The following CARS1 variants were observed in gnomAD, a reference collection of about 807,000 sequenced individuals.
CARS1 encodes cysteine--tRNA ligase, cytoplasmic.
CARS1 carries 48 observed loss-of-function variants against 106.2 expected under a neutral mutation model. The ratio of observed to expected loss-of-function variants is 0.45; its 90% CI spans 0.36 to 0.57. CARS1 has a LOEUF of 0.57. Ranked by LOEUF, CARS1 falls within the 20% of genes least tolerant of loss-of-function variation. The pLI, the probability that CARS1 is intolerant of heterozygous loss-of-function variation, is 0.00. For missense variants in CARS1, 968 were observed against 1,057.2 expected (o/e 0.92, Z 1.17); for synonymous variants, 409 against 403.4 (o/e 1.01, Z -0.17).
intron 1 of CARS1, among the ~76,000 whole-genome samples, chr11:3,055,314 G>A (rs921499588): frequency 2.1e-4 from 32 of 152,178 alleles, no homozygotes; most frequent in Admixed American, 1.7e-3. Flanking sequence ...ACCGCGCCCG[G>A]CTAATTTTTT....
In CARS1 at chr11:3,028,944, C is replaced by G. The variant is rs1590417322; in HGVS notation, c.1031+52G>C. On this transcript the variant is annotated intron_variant, in intron 9 of 22. Transcript: ENST00000380525. The surrounding 1 kb of genome is among the most constrained non-coding windows in gnomAD (Gnocchi z 4.4). Reference sequence around the variant, plus strand: ...AGGCTCAGAGCTGGGGAGCTCCTCCCTGTGCGATGTTCTGCAGCCCTTCCC... The same window carrying G: ...AGGCTCAGAGCTGGGGAGCTCCTCCGTGTGCGATGTTCTGCAGCCCTTCCC... The G allele has an allele frequency of 7.9e-7, 1 of 1,260,618 alleles. No homozygotes were observed. Among genetic ancestry groups the G allele is most frequent in the African/African-American group, 1.5e-5 (1 of 68,190 alleles). The allele number at this position is 1,260,618 out of a possible 1,614,324, so 78.1% of individuals were successfully genotyped here. A position where few individuals can be genotyped will look rare whatever the true frequency, so the allele number is the denominator to read the frequency against.
rs537606887 is a variant in CARS1, at chr11:3,046,166, T to C, written c.274+1587A>G. Among the ~76,000 whole-genome samples, 18 of 152,286 alleles carry C rather than the reference T, an allele frequency of 1.2e-4. No individual in the cohort carries two copies. Among genetic ancestry groups the C allele is most frequent in the African/African-American group, 4.3e-4 (18 of 41,570 alleles). On this transcript the variant is annotated intron_variant, in intron 2 of 22. Transcript: ENST00000380525. This position sits in a 1 kb window ranked among gnomAD's most constrained non-coding sequence, Gnocchi z 5.8. Reference sequence around the variant, plus strand: ...CACAGCAACGTGGCTCTGCTTCCTCTCTGTAGGTTAAAAAGTGTTTGCAAG... The same window carrying C: ...CACAGCAACGTGGCTCTGCTTCCTCCCTGTAGGTTAAAAAGTGTTTGCAAG...
In CARS1 at chr11:3,050,396, C is replaced by T. The variant is rs746207606; in HGVS notation, c.26-2395G>A. On this transcript the variant is annotated intron_variant, in intron 1 of 22. Transcript: ENST00000380525. The surrounding 1 kb of genome is among the most constrained non-coding windows in gnomAD (Gnocchi z 6.3). ...CTCCCTAGCCAAAACTGGAATCACA[C>T]CCCTTTACAAGTTATCCTTAGGAGC... Among the ~76,000 whole-genome samples, 2 of 152,178 alleles carry T rather than the reference C, an allele frequency of 1.3e-5. No individual in the cohort carries two copies. Among genetic ancestry groups the T allele is most frequent in the Non-Finnish European group, 2.9e-5 (2 of 68,036 alleles).
Position 3,033,009 on chromosome 11 carries a change from C to G in CARS1, c.802-3566G>C, listed in dbSNP as rs568889872. ...GAGGTGGGTAGGGGATATATATAGCCTCTCAATTCTGATGTGAACCAGAAT... is the reference window on the plus strand; with the variant it reads ...GAGGTGGGTAGGGGATATATATAGCGTCTCAATTCTGATGTGAACCAGAAT... On this transcript the variant is annotated intron_variant, in intron 7 of 22. Transcript: ENST00000380525. Among the ~76,000 whole-genome samples, 116 of 151,398 alleles carry G rather than the reference C, an allele frequency of 7.7e-4. 1 individual carries two copies. Among genetic ancestry groups the G allele is most frequent in the Admixed American group, 2.5e-3 (37 of 15,084 alleles).
intron 21 of CARS1, 138 bp downstream of exon 21, chr11:3,002,403 A>G: frequency 6.8e-7 from 1 of 1,477,548 alleles, no homozygotes; most frequent in Admixed American, 2.2e-5. Flanking sequence ...TGGGTGGTGG[A>G]GGCAGAAAGC....
At position 3,029,485 on chromosome 11, in the gene CARS1, T is replaced by C; in HGVS notation, c.802-42A>G. ...AAAAATCCAGCAGCGGGCCACACAC[T>C]TCACATGAGAACATCTCGTGCAGCT... On this transcript the variant is annotated intron_variant, in intron 7 of 22. Transcript: ENST00000380525. The surrounding 1 kb of genome is among the most constrained non-coding windows in gnomAD (Gnocchi z 5.9). The C allele has an allele frequency of 1.2e-6, 2 of 1,604,896 alleles. No individual in the cohort carries two copies. The highest frequency in any genetic ancestry group is 1.7e-6 in the Non-Finnish European group (2 of 1,176,574).
intron 18 of CARS1, among the ~76,000 whole-genome samples, chr11:3,011,683 C>G (rs1301498766): frequency 1.3e-5 from 2 of 152,084 alleles, no homozygotes; most frequent in South Asian, 4.1e-4. Flanking sequence ...TGTGTGAACC[C>G]CAAGTTCAAG....
In CARS1 at chr11:3,017,336, AAC is replaced by A; in HGVS notation, c.1728-43_1728-42del. On this transcript the variant is annotated intron_variant, in intron 15 of 22. Coordinates refer to ENST00000380525, the MANE Select transcript of CARS1 (RefSeq NM_001014437.3). This position sits in a 1 kb window ranked among gnomAD's most constrained non-coding sequence, Gnocchi z 4.9. ...GAAGGAATGTGAAGTCAGACCTGAA[AAC>A]ACACCATAGAAATTCCCCATGTGGC... is the stretch of plus-strand genomic sequence containing the variant. 1 of 1,573,102 alleles carries A rather than the reference AAC, an allele frequency of 6.4e-7. No individual in the cohort carries two copies. Among genetic ancestry groups the A allele is most frequent in the Non-Finnish European group, 8.7e-7 (1 of 1,146,178 alleles).
At position 3,041,613 on chromosome 11, in the gene CARS1, T is replaced by C. The variant is rs1036394253; in HGVS notation, c.366+552A>G. Reference sequence around the variant, plus strand: ...CTGACTCTCTGTCTGCCAAACATGCTCCCTGATGGAAATCCAAGCAGCCCC... The same window carrying C: ...CTGACTCTCTGTCTGCCAAACATGCCCCCTGATGGAAATCCAAGCAGCCCC... On this transcript the variant is annotated intron_variant, in intron 3 of 22. Coordinates refer to ENST00000380525, the MANE Select transcript of CARS1 (RefSeq NM_001014437.3). This position sits in a 1 kb window ranked among gnomAD's most constrained non-coding sequence, Gnocchi z 4.9. 6.6e-6 allele frequency among the ~76,000 whole-genome samples: 1 copy of C among 152,164 alleles called. No individual in the cohort carries two copies. Among genetic ancestry groups the C allele is most frequent in the Admixed American group, 6.5e-5 (1 of 15,276 alleles).
Position 3,044,953 on chromosome 11 carries a change from G to C in CARS1, c.275-2697C>G, listed in dbSNP as rs889233667. On this transcript the variant is annotated intron_variant, in intron 2 of 22. Coordinates refer to ENST00000380525, the MANE Select transcript of CARS1 (RefSeq NM_001014437.3). This position sits in a 1 kb window ranked among gnomAD's most constrained non-coding sequence, Gnocchi z 4.4. ...GAGAAATCCTTCATCAGGAAGTTAAGGGTCCTCCATCGGAGGGGTGAGAGC... is the reference window on the plus strand; with the variant it reads ...GAGAAATCCTTCATCAGGAAGTTAACGGTCCTCCATCGGAGGGGTGAGAGC... Among the ~76,000 whole-genome samples the C allele has an allele frequency of 6.6e-6, 1 of 152,120 alleles. No homozygotes were observed. Among genetic ancestry groups the C allele is most frequent in the African/African-American group, 2.4e-5 (1 of 41,412 alleles).
intron 2 of CARS1, 97 bp downstream of exon 2, chr11:3,047,656 G>A: frequency 6.8e-7 from 1 of 1,481,208 alleles, no homozygotes; most frequent in East Asian, 2.3e-5. Context: ...TCCCTCTGGG[G>A]TATCCGCAGA....
Position 3,047,840 on chromosome 11 carries a change from G to A in CARS1, c.187C>T (p.Leu63Phe). The A allele has an allele frequency of 6.2e-7, 1 of 1,614,202 alleles. No homozygotes were observed. Among genetic ancestry groups the A allele is most frequent in the Non-Finnish European group, 8.5e-7 (1 of 1,180,044 alleles). Residue 63 changes from leucine to phenylalanine, a missense_variant, in exon 2 of 23, where the codon CTC becomes TTC. By Grantham distance (22) the Leu-to-Phe change is conservative (BLOSUM62 0). Transcript: ENST00000380525. ...CTGAACCACCGAGCCACGTGGAAGAGCTGGGGGTCAGCGGGCGGGGCCGAG... is the reference window on the plus strand; with the variant it reads ...CTGAACCACCGAGCCACGTGGAAGAACTGGGGGTCAGCGGGCGGGGCCGAG... ...QLSAPPADPQ[L>F]FHVARWFRHI... is the part of the protein sequence containing the mutation.
rs1449293596 is a variant in CARS1 at position 3,044,687 on chromosome 11, G to A, written c.275-2431C>T. Reference sequence around the variant, plus strand: ...TGGGATTACAGGTGTGAGCCACCGCGCCTGGCCTGTGCTTTTGTTTCTTTG... The same window carrying A: ...TGGGATTACAGGTGTGAGCCACCGCACCTGGCCTGTGCTTTTGTTTCTTTG... On this transcript the variant is annotated intron_variant, in intron 2 of 22. Coordinates refer to ENST00000380525, the MANE Select transcript of CARS1 (RefSeq NM_001014437.3). The surrounding 1 kb of genome is among the most constrained non-coding windows in gnomAD (Gnocchi z 4.4). 2.0e-5 allele frequency among the ~76,000 whole-genome samples: 3 copies of A among 152,240 alleles called. No individual in the cohort carries two copies. The highest frequency in any genetic ancestry group is 3.9e-4 in the East Asian group (2 of 5,176).
Position 3,006,923 on chromosome 11 carries a change from T to A in CARS1, c.2105A>T (p.Asp702Val). 1.2e-6 allele frequency: 2 copies of A among 1,614,092 alleles called. No individual in the cohort carries two copies. Among genetic ancestry groups the A allele is most frequent in the Non-Finnish European group, 1.7e-6 (2 of 1,180,006 alleles). ...CACCCCAAGCTCGGGCAGGATGTTGTCCCGCAGGGCATCGCTGAGCTGCAG... is the reference window on the plus strand; with the variant it reads ...CACCCCAAGCTCGGGCAGGATGTTGACCCGCAGGGCATCGCTGAGCTGCAG... Reference protein sequence around the residue: ...EILQLSDALRDNILPELGVRF... With the variant: ...EILQLSDALRVNILPELGVRF... Residue 702 changes from aspartate (D) to valine (V), a missense_variant, in exon 19 of 23, where the codon GAC becomes GTC. Coordinates refer to ENST00000380525, the MANE Select transcript of CARS1 (RefSeq NM_001014437.3).
At chr11:3,025,813 G>C (rs1268180577) in intron 10 of CARS1, among the ~76,000 whole-genome samples, 2 of 152,172 alleles carry the variant, frequency 1.3e-5, no homozygotes, top group Admixed American at 1.3e-4. Context: ...TGTGTTTGAA[G>C]CATTTGGATC....
chr11:3,042,043 T>G, intron 3 of CARS1, 122 bp downstream of exon 3: 1 of 668,222 alleles, frequency 1.5e-6, no homozygotes, highest in Non-Finnish European at 2.5e-6. Context: ...AACCTGGATT[T>G]ATGGAACTCC....
At position 3,050,850 on chromosome 11, in the gene CARS1, C is replaced by CT. The variant is rs1212806265; in HGVS notation, c.26-2850dup. 1.3e-5 allele frequency among the ~76,000 whole-genome samples: 2 copies of CT among 152,242 alleles called. No homozygotes were observed. Among genetic ancestry groups the CT allele is most frequent in the African/African-American group, 4.8e-5 (2 of 41,458 alleles). ...CGCCTCTAGACCCTGAGCCTGGCTG[C>CT]TCTTTCTCTCCGCAGCACCCCTGTC... On this transcript the variant is annotated intron_variant, in intron 1 of 22. Coordinates refer to ENST00000380525, the MANE Select transcript of CARS1 (RefSeq NM_001014437.3). The surrounding 1 kb of genome is among the most constrained non-coding windows in gnomAD (Gnocchi z 6.3).
intron 9 of CARS1, chr11:3,027,791 A>T (rs1852252635): frequency 2.2e-6 from 1 of 454,294 alleles, no homozygotes; most frequent in Non-Finnish European, 4.4e-6. Flanking sequence ...GTCTGGGAGG[A>T]TGCCCGTTGC....
Position 3,044,962 on chromosome 11 carries a change from A to T in CARS1, c.275-2706T>A, listed in dbSNP as rs1164807466. Among the ~76,000 whole-genome samples, 2 of 152,140 alleles carry T rather than the reference A, an allele frequency of 1.3e-5. No homozygotes were observed. Among genetic ancestry groups the T allele is most frequent in the African/African-American group, 2.4e-5 (1 of 41,426 alleles). On this transcript the variant is annotated intron_variant, in intron 2 of 22. Transcript: ENST00000380525. This position sits in a 1 kb window ranked among gnomAD's most constrained non-coding sequence, Gnocchi z 4.4. ...TTCATCAGGAAGTTAAGGGTCCTCC[A>T]TCGGAGGGGTGAGAGCAACACCAAA...
Sources: gnomAD v4.1 joint callset for allele counts (sites outside exome capture counted in the v4.1 genomes callset) on GRCh38, gnomAD v4.1.1 for gene constraint, Gnocchi (gnomAD v3.1) non-coding constraint, MANE v1.5 for transcripts, NCBI Gene and HGNC (gene_info 2026-07-23, HGNC 2026-07-21) for gene names.